The following ACTR3C variants were observed in gnomAD, a reference collection of about 807,000 sequenced individuals.
The protein encoded by ACTR3C is actin-related protein 3C.
Under a neutral mutation model 26.3 loss-of-function variants are expected in ACTR3C, and 18 were observed. The ratio of observed to expected loss-of-function variants is 0.68; its 90% confidence interval spans 0.47 to 1.01. The LOEUF is 1.01. ACTR3C is among the 50% of genes least tolerant of loss of function. ACTR3C has a pLI of 0.00. For synonymous variants in ACTR3C, 55 were observed against 94.5 expected (o/e 0.58, Z 2.42); for missense variants, 184 against 250.7 (o/e 0.73, Z 1.80).
chr7:149,910,464 G>C, the ACTR3C span, among the ~76,000 whole-genome samples: 14 of 152,026 alleles, frequency 9.2e-5, no homozygotes, highest in African/African-American at 2.4e-4. Context: ...AATATAAAAG[G>C]GGGGGTGGTG....
chr7:150,299,904 T>C (rs1388525253), intron 1 of ACTR3C, among the ~76,000 whole-genome samples: 5 of 152,032 alleles, frequency 3.3e-5, no homozygotes, highest in African/African-American at 4.8e-5. Flanking sequence ...AGTGTGAATA[T>C]AGTTAACATT....
chr7:150,093,206 A>G, the ACTR3C span, among the ~76,000 whole-genome samples: 58 of 151,058 alleles, frequency 3.8e-4, 5 homozygotes, highest in African/African-American at 1.4e-3. Context: ...CTCATCTGAG[A>G]ATTTTTTAAA....
At chr7:150,195,113 ATATATATATG>A in the ACTR3C span, among the ~76,000 whole-genome samples, 2 of 141,748 alleles carry the variant, frequency 1.4e-5, no homozygotes, top group Non-Finnish European at 3.1e-5. Context: ...ATATGTATAT[ATATATATATG>A]TATATATATA....
At chr7:150,006,213 T>TATTTATTTATTTATTTATTTA in the ACTR3C span, among the ~76,000 whole-genome samples, 14 of 151,838 alleles carry the variant, frequency 9.2e-5, no homozygotes, top group East Asian at 1.9e-4. Flanking sequence ...TTTATTTATT[T>TATTTATTTATTTATTTATTTA]TGAGAAGGAG....
chr7:150,315,042 A>C (rs534532178), intron 1 of ACTR3C, among the ~76,000 whole-genome samples: 1 of 147,332 alleles, frequency 6.8e-6, no homozygotes, highest in Non-Finnish European at 1.5e-5. Context: ...TAATATTAAT[A>C]ATTACTTTTA....
the ACTR3C span, among the ~76,000 whole-genome samples, chr7:150,046,349 C>CCCCA: frequency 2.8e-5 from 1 of 36,106 alleles, no homozygotes; most frequent in Non-Finnish European, 9.3e-5. Context: ...GTCTCACCGC[C>CCCCA]CCCCCCCCCC....
At chr7:150,035,066 C>G in the ACTR3C span, among the ~76,000 whole-genome samples, 1 of 138,426 alleles carries the variant, frequency 7.2e-6, no homozygotes, top group African/African-American at 2.7e-5. Flanking sequence ...AGGTACCTGC[C>G]GTCGGAAGAT....
chr7:150,204,179 G>C, the ACTR3C span, among the ~76,000 whole-genome samples: 1 of 147,234 alleles, frequency 6.8e-6, no homozygotes, highest in Non-Finnish European at 1.5e-5. Context: ...CCTGAAACGG[G>C]TGCTTTGGAG....
chr7:150,097,845 C>G, the ACTR3C span, among the ~76,000 whole-genome samples: 2 of 151,414 alleles, frequency 1.3e-5, no homozygotes, highest in Non-Finnish European at 2.9e-5. Flanking sequence ...CTCTCTCAGT[C>G]AAATCCACCC....
the ACTR3C span, among the ~76,000 whole-genome samples, chr7:150,137,343 C>T: frequency 6.6e-6 from 1 of 152,184 alleles, no homozygotes; most frequent in Non-Finnish European, 1.5e-5. Context: ...CTTCCTCTTG[C>T]TATGAAGGAG....
chr7:150,104,317 A>C, the ACTR3C span, among the ~76,000 whole-genome samples: 1 of 151,940 alleles, frequency 6.6e-6, no homozygotes, highest in Non-Finnish European at 1.5e-5. Flanking sequence ...CTCCATCCCT[A>C]CATCTTTCTA....
chr7:150,104,919 C>G, the ACTR3C span, among the ~76,000 whole-genome samples: 2 of 151,754 alleles, frequency 1.3e-5, no homozygotes, highest in Middle Eastern at 3.2e-3. Context: ...GCTTTTATTC[C>G]CTCTCAGAAT....
downstream of ACTR3C, chr7:150,246,785 T>C (rs890617866): frequency 1.3e-5 from 2 of 152,124 alleles, no homozygotes; most frequent in African/African-American, 4.8e-5. Context: ...TTTGGCTTTT[T>C]GTTTTGTTTT....
chr7:150,033,681 G>A, the ACTR3C span, among the ~76,000 whole-genome samples: 1 of 152,010 alleles, frequency 6.6e-6, no homozygotes, highest in South Asian at 2.1e-4. Context: ...CGCGGGGGGT[G>A]CCTCCCCCAC....
At chr7:149,890,109 T>C in the ACTR3C span, among the ~76,000 whole-genome samples, 1 of 152,246 alleles carries the variant, frequency 6.6e-6, no homozygotes, top group East Asian at 1.9e-4. Context: ...TTATACCAGA[T>C]AATTCTTAAA....
the ACTR3C span, among the ~76,000 whole-genome samples, chr7:149,983,449 G>GTGTGTATA: frequency 1.7e-4 from 4 of 23,324 alleles, no homozygotes; most frequent in East Asian, 2.7e-3. Context: ...GTGTGTGTGT[G>GTGTGTATA]TATATATATA....
the ACTR3C span, among the ~76,000 whole-genome samples, chr7:149,895,093 A>G: frequency 6.6e-6 from 1 of 152,088 alleles, no homozygotes; most frequent in Non-Finnish European, 1.5e-5. Flanking sequence ...TCTGCCCACA[A>G]CATGGATGAA....
chr7:150,218,127 ATTT>A, the ACTR3C span, among the ~76,000 whole-genome samples: 3 of 150,188 alleles, frequency 2.0e-5, no homozygotes, highest in African/African-American at 7.4e-5. Flanking sequence ...TGAGTTTTAT[ATTT>A]TATTGGAAAA....
chr7:150,251,556 G>GCCTAAAAA (rs1462682625), intron 6 of ACTR3C, among the ~76,000 whole-genome samples: 3 of 151,956 alleles, frequency 2.0e-5, no homozygotes, highest in Non-Finnish European at 4.4e-5. Context: ...GATATTAAAA[G>GCCTAAAAA]CCTAAAAACC....
Sources: gnomAD v4.1 joint callset for allele counts (sites outside exome capture counted in the v4.1 genomes callset) on GRCh38, gnomAD v4.1.1 for gene constraint, MANE v1.5 for transcripts, NCBI Gene and HGNC (gene_info 2026-07-23, HGNC 2026-07-21) for gene names.